Variants in LINGO2 observed in about 807,000 individuals in gnomAD.
LINGO2 encodes the protein leucine-rich repeat and immunoglobulin-like domain-containing nogo receptor-interacting protein 2.
Under a neutral mutation model 30.6 loss-of-function variants are expected in LINGO2, and 14 were observed. The observed-to-expected ratio is 0.46, with a 90% CI of 0.30 to 0.72. LINGO2 has a LOEUF of 0.72. LINGO2 is among the 30% of genes least tolerant of loss of function. The pLI, the probability that LINGO2 is intolerant of heterozygous loss-of-function variation, is 0.07. For missense variants in LINGO2, 729 were observed against 751.7 expected, an observed-to-expected ratio of 0.97 and a Z score of 0.35; for synonymous variants, 317 against 288.5, an observed-to-expected ratio of 1.10 and a Z score of -1.00.
At chr9:28,729,633 G>T in the LINGO2 span, among the ~76,000 whole-genome samples, 1 of 151,524 alleles carries the variant, frequency 6.6e-6, no homozygotes, top group Non-Finnish European at 1.5e-5. Context: ...AAAAAACAGA[G>T]TCTCAAAGAT....
the LINGO2 span, among the ~76,000 whole-genome samples, chr9:28,948,729 G>A: frequency 6.6e-6 from 1 of 152,020 alleles, no homozygotes; most frequent in African/African-American, 2.4e-5. Flanking sequence ...GCAAATCACA[G>A]TATTGAAAAC....
intron 1 of LINGO2, among the ~76,000 whole-genome samples, chr9:28,494,902 T>C (rs1454686830): frequency 1.3e-5 from 2 of 152,234 alleles, no homozygotes; most frequent in Non-Finnish European, 2.9e-5. Context: ...CTTTTAATGA[T>C]TGCCATTCTA....
chr9:28,883,626 G>GTATATATA, the LINGO2 span, among the ~76,000 whole-genome samples: 20 of 25,654 alleles, frequency 7.8e-4, no homozygotes, highest in African/African-American at 1.8e-3. Flanking sequence ...ATATGTGTGT[G>GTATATATA]TGTATATATA....
chr9:27,968,994 T>A (rs1820230424), intron 5 of LINGO2, among the ~76,000 whole-genome samples: 1 of 151,912 alleles, frequency 6.6e-6, no homozygotes, highest in Non-Finnish European at 1.5e-5. Flanking sequence ...TAAACATTTT[T>A]GAAATCATAG....
the LINGO2 span, among the ~76,000 whole-genome samples, chr9:29,046,274 T>A: frequency 6.6e-6 from 1 of 152,072 alleles, no homozygotes; most frequent in East Asian, 1.9e-4. Flanking sequence ...GGATTTGTCA[T>A]AGACAGCCTC....
At chr9:28,883,628 G>GTGTATGTATATATATATA in the LINGO2 span, among the ~76,000 whole-genome samples, 4 of 64,180 alleles carry the variant, frequency 6.2e-5, no homozygotes, top group African/African-American at 1.7e-4. Context: ...ATGTGTGTGT[G>GTGTATGTATATATATATA]TATATATATA....
chr9:28,912,834 T>C, the LINGO2 span, among the ~76,000 whole-genome samples: 1 of 152,190 alleles, frequency 6.6e-6, no homozygotes, highest in Non-Finnish European at 1.5e-5. Context: ...TCATAAAAGA[T>C]ATGTCCTACT....
chr9:28,091,478 TG>T (rs2133265947), intron 4 of LINGO2, among the ~76,000 whole-genome samples: 1 of 152,286 alleles, frequency 6.6e-6, no homozygotes, highest in South Asian at 2.1e-4. Flanking sequence ...TAAATGGTGC[TG>T]GGAAAACTGG....
chr9:28,994,456 T>C, the LINGO2 span, among the ~76,000 whole-genome samples: 110 of 151,736 alleles, frequency 7.2e-4, no homozygotes, highest in African/African-American at 2.4e-3. Context: ...AGGTAATTTA[T>C]GGATTCAATG....
chr9:27,977,914 A>T (rs987696806), intron 5 of LINGO2, among the ~76,000 whole-genome samples: 2 of 152,052 alleles, frequency 1.3e-5, no homozygotes, highest in African/African-American at 4.8e-5. Flanking sequence ...AGGCATTAAG[A>T]GATGTTGCAA....
At chr9:28,546,431 TAGAC>T (rs1564281652) in intron 1 of LINGO2, among the ~76,000 whole-genome samples, 1 of 152,052 alleles carries the variant, frequency 6.6e-6, no homozygotes, top group East Asian at 1.9e-4. Context: ...CTAATGGTAA[TAGAC>T]TGAGTGAGGG....
chr9:29,013,544 A>G, the LINGO2 span, among the ~76,000 whole-genome samples: 1 of 152,166 alleles, frequency 6.6e-6, no homozygotes, highest in Non-Finnish European at 1.5e-5. Flanking sequence ...ATGGAAATAT[A>G]GCCACTTAGA....
intron 1 of LINGO2, among the ~76,000 whole-genome samples, chr9:28,631,941 A>G (rs1001892473): frequency 1.3e-5 from 2 of 152,202 alleles, no homozygotes; most frequent in Admixed American, 6.6e-5. Flanking sequence ...TTGAAAATAA[A>G]CTGATAATAA....
chr9:28,793,445 AGTT>A, the LINGO2 span, among the ~76,000 whole-genome samples: 1 of 152,076 alleles, frequency 6.6e-6, no homozygotes, highest in Admixed American at 6.6e-5. Context: ...TTTTGCGGAG[AGTT>A]GTTATTTTAT....
chr9:28,486,275 T>C (rs1826160304), intron 1 of LINGO2, among the ~76,000 whole-genome samples: 4 of 152,098 alleles, frequency 2.6e-5, no homozygotes, highest in Non-Finnish European at 4.4e-5. Flanking sequence ...GCAATGACAA[T>C]TGAAAGATTC....
chr9:28,945,728 C>A, the LINGO2 span, among the ~76,000 whole-genome samples: 8 of 152,116 alleles, frequency 5.3e-5, no homozygotes, highest in African/African-American at 1.9e-4. Context: ...TGGTTGTAAA[C>A]ACTTTAAATC....
intron 4 of LINGO2, among the ~76,000 whole-genome samples, chr9:28,106,155 C>T (rs987711361): frequency 2.6e-5 from 4 of 152,040 alleles, no homozygotes; most frequent in Non-Finnish European, 5.9e-5. Context: ...TCTGAAAACA[C>T]CCCCTTACCC....
intron 4 of LINGO2, among the ~76,000 whole-genome samples, chr9:28,118,875 A>G (rs572782664): frequency 1.3e-5 from 2 of 152,240 alleles, no homozygotes; most frequent in South Asian, 4.1e-4. Flanking sequence ...TGCAACAAAG[A>G]AGTCTGTGGG....
At chr9:28,689,362 A>T in the LINGO2 span, among the ~76,000 whole-genome samples, 1 of 152,164 alleles carries the variant, frequency 6.6e-6, no homozygotes, top group Non-Finnish European at 1.5e-5. Flanking sequence ...GCCTCCAGGT[A>T]AAAAACAAAC....
Sources: gnomAD v4.1 joint callset for allele counts (sites outside exome capture counted in the v4.1 genomes callset) on GRCh38, gnomAD v4.1.1 for gene constraint, MANE v1.5 for transcripts, NCBI Gene and HGNC (gene_info 2026-07-23, HGNC 2026-07-21) for gene names.